The following NALF1 variants were observed in gnomAD, a reference collection of about 807,000 sequenced individuals.
NALF1 encodes the protein NALCN channel auxiliary factor 1, also known as family with sequence similarity 155 member A.
NALF1 carries 3 observed loss-of-function variants against 48.4 expected under a neutral mutation model. The ratio of observed to expected loss-of-function variants is 0.06; its 90% confidence interval spans 0.03 to 0.16. The LOEUF is 0.16. Among genes scored for constraint, NALF1 ranks in the 10% least tolerant of loss-of-function variants. The pLI is 1.00. For missense variants in NALF1, 526 were observed against 571.5 expected (o/e 0.92, Z 0.81); for synonymous variants, 262 against 245.7 (o/e 1.07, Z -0.62).
At chr13:107,210,475 C>A in intron 2 of NALF1, 109 bp downstream of exon 2, 2 of 767,726 alleles carry the variant, frequency 2.6e-6, no homozygotes, top group South Asian at 3.5e-5. Flanking sequence ...AACTACCAGC[C>A]GCATCTTCAA....
chr13:107,766,536 T>G (rs1877423007), intron 1 of NALF1, among the ~76,000 whole-genome samples: 1 of 152,230 alleles, frequency 6.6e-6, no homozygotes, highest in Non-Finnish European at 1.5e-5. Context: ...GTAGTGAATT[T>G]ATTGTCTCAA....
At chr13:107,724,809 G>A (rs1216326069) in intron 1 of NALF1, among the ~76,000 whole-genome samples, 1 of 152,024 alleles carries the variant, frequency 6.6e-6, no homozygotes, top group African/African-American at 2.4e-5. Context: ...TCAAACTCCT[G>A]AGCCCAAATG....
In NALF1 at chr13:107,243,843, G is replaced by A. The variant is rs563020835; in HGVS notation, c.916-33088C>T. ...GAGGCGGCGGCAAGCAGGACACAGA[G>A]AAGTGATATTCCCATTGGATTCCAT... is the stretch of plus-strand genomic sequence containing the variant. On this transcript the variant is annotated intron_variant, in intron 1 of 2. Transcript: ENST00000375915. Among the ~76,000 whole-genome samples, 22 of 152,276 alleles carry A rather than the reference G, an allele frequency of 1.4e-4. No homozygotes were observed. In the South Asian group the frequency reaches 4.6e-3, roughly 32 times the overall value.
chr13:107,818,871 CAAAAAA>C (rs774372636), intron 1 of NALF1, among the ~76,000 whole-genome samples: 20,052 of 73,084 alleles, frequency 0.27, 2,697 homozygotes, highest in African/African-American at 0.47. Context: ...GACTCCGTCT[CAAAAAA>C]AAAAAAAAAA....
chr13:107,389,497 C>A (rs1883585738), intron 1 of NALF1, among the ~76,000 whole-genome samples: 1 of 152,178 alleles, frequency 6.6e-6, no homozygotes, highest in Non-Finnish European at 1.5e-5. Context: ...CTGGGAAGCT[C>A]TCAGGAATCG....
rs1389274061 is a variant in NALF1, at chr13:107,517,589, G to A, written c.916-306834C>T. The stretch of plus-strand genomic sequence containing the variant: ...GGAGGTTGCAATGAGCCAAGATCGC[G>A]CCACTGCTGCACTCCAGCCTGGGTG... On this transcript the variant is annotated intron_variant, in intron 1 of 2. Coordinates refer to ENST00000375915, the MANE Select transcript of NALF1 (RefSeq NM_001080396.3). 7.2e-5 allele frequency among the ~76,000 whole-genome samples: 11 copies of A among 152,022 alleles called. No individual in the cohort carries two copies. In the South Asian group the frequency reaches 1.0e-3, roughly 14 times the overall value.
chr13:107,201,172 T>TATC (rs1426133406), intron 2 of NALF1, among the ~76,000 whole-genome samples: 1,078 of 62,730 alleles, frequency 0.017, 22 homozygotes, highest in Admixed American at 0.1. Context: ...ATCTATCATC[T>TATC]ATCTATCTAT....
intron 1 of NALF1, among the ~76,000 whole-genome samples, chr13:107,399,302 TTGTG>T (rs1017942647): frequency 3.9e-5 from 6 of 152,076 alleles, no homozygotes; most frequent in African/African-American, 9.7e-5. Context: ...ACATAGATAA[TTGTG>T]TGTGTGTGTT....
chr13:107,680,621 TATGTTTGTGA>T (rs66907873), intron 1 of NALF1, among the ~76,000 whole-genome samples: 4,241 of 111,550 alleles, frequency 0.038, 309 homozygotes, highest in East Asian at 0.28. Context: ...AGTGAGGGTG[TATGTTTGTGA>T]GAGTGTGAAA....
At chr13:107,570,971 G>T (rs1054851590) in intron 1 of NALF1, among the ~76,000 whole-genome samples, 1 of 152,136 alleles carries the variant, frequency 6.6e-6, no homozygotes. Flanking sequence ...GTATATTTTA[G>T]TTCTTATGAA....
chr13:107,790,212 C>T (rs1173361691), intron 1 of NALF1, among the ~76,000 whole-genome samples: 5 of 152,060 alleles, frequency 3.3e-5, no homozygotes, highest in Non-Finnish European at 5.9e-5. Flanking sequence ...AAGTCTTTCA[C>T]GTGTATTTAC....
chr13:107,510,618 T>G (rs1395577412), intron 1 of NALF1, among the ~76,000 whole-genome samples: 1 of 152,204 alleles, frequency 6.6e-6, no homozygotes, highest in African/African-American at 2.4e-5. Flanking sequence ...TGTATTGATA[T>G]CAAAATAGTT....
rs550238807 is a variant in NALF1, at chr13:107,755,969, A to G, written c.915+109713T>C. 1.6e-4 allele frequency among the ~76,000 whole-genome samples: 24 copies of G among 152,314 alleles called. No individual in the cohort carries two copies. The East Asian group carries it at 4.4e-3, about 28-fold the overall frequency. ...GATAACTAATGACACAGAGGTCACT[A>G]AAGAGAAAGAACCAACTTCAACTGA... On this transcript the variant is annotated intron_variant, in intron 1 of 2. Transcript: ENST00000375915.
chr13:107,200,240 C>T (rs1027726374), intron 2 of NALF1, among the ~76,000 whole-genome samples: 2 of 152,188 alleles, frequency 1.3e-5, no homozygotes, highest in Non-Finnish European at 2.9e-5. Context: ...CTCCTGGGAG[C>T]CACAGTTACT....
At chr13:107,312,546 A>G (rs1028512333) in intron 1 of NALF1, among the ~76,000 whole-genome samples, 14 of 152,144 alleles carry the variant, frequency 9.2e-5, no homozygotes, top group African/African-American at 3.4e-4. Flanking sequence ...CATTGTGCAC[A>G]TGTACCCTAA....
intron 1 of NALF1, among the ~76,000 whole-genome samples, chr13:107,719,761 C>T (rs1875929455): frequency 6.6e-6 from 1 of 151,972 alleles, no homozygotes; most frequent in South Asian, 2.1e-4. Flanking sequence ...TTCCTTTTTC[C>T]CCCAACATTG....
intron 1 of NALF1, among the ~76,000 whole-genome samples, chr13:107,817,713 T>G (rs1879208613): frequency 6.6e-6 from 1 of 152,176 alleles, no homozygotes; most frequent in African/African-American, 2.4e-5. Context: ...TCTAAATGAT[T>G]TATTTCACCC....
chr13:107,429,856 T>C (rs1884345673), intron 1 of NALF1, among the ~76,000 whole-genome samples: 1 of 152,216 alleles, frequency 6.6e-6, no homozygotes, highest in Admixed American at 6.5e-5. Context: ...TAAATACATG[T>C]TCAATCTCAA....
At position 107,294,712 on chromosome 13, in the gene NALF1, G is replaced by A. The variant is rs74114102; in HGVS notation, c.916-83957C>T. On this transcript the variant is annotated intron_variant, in intron 1 of 2. Transcript: ENST00000375915. ...GCTCAGAAAGCTGGTAAGCGACCTA[G>A]CTGAGAATGCAAACCTCAGACTATC... Among the ~76,000 whole-genome samples the A allele has an allele frequency of 1.1e-3, 169 of 152,344 alleles. 1 individual carries two copies. The highest frequency in any genetic ancestry group is 3.9e-3 in the African/African-American group (161 of 41,576).
Sources: allele counts gnomAD v4.1 joint callset (sites outside exome capture counted in the v4.1 genomes callset), GRCh38; gene constraint gnomAD v4.1.1; transcripts MANE v1.5; gene names NCBI Gene and HGNC (gene_info 2026-07-23, HGNC 2026-07-21).